Variants in RSPH10B2 observed in about 807,000 individuals in gnomAD.
The protein encoded by RSPH10B2 is radial spoke head 10 homolog B2.
RSPH10B2 carries 9 observed loss-of-function variants against 49.0 expected under a neutral mutation model. The observed-to-expected ratio is 0.18, with a 90% CI of 0.11 to 0.32. The LOEUF (loss-of-function observed/expected upper bound fraction) is 0.32. RSPH10B2 is among the 10% of genes least tolerant of loss of function. The pLI is 1.00. For missense variants in RSPH10B2, 95 were observed against 589.9 expected, an observed-to-expected ratio of 0.16 and a Z score of 8.69; for synonymous variants, 35 against 210.2, an observed-to-expected ratio of 0.17 and a Z score of 7.21.
chr7:6,795,634 G>A lies in RSPH10B2; in HGVS notation c.2234-934G>A, dbSNP rs1489176423. Among the ~76,000 whole-genome samples the A allele has an allele frequency of 5.1e-5, 7 of 137,566 alleles. No homozygotes were observed. The East Asian group carries it at 8.2e-4, about 16-fold the overall frequency. The allele number at this position is 137,566 out of a possible 152,430, so 90.2% of individuals were successfully genotyped here. Reference sequence around the variant, plus strand: ...TAATTAGCTGGGTGTGGTGGCACCCGCCTGTGGTCCCAGCTACTTGGGAGG... The same window carrying A: ...TAATTAGCTGGGTGTGGTGGCACCCACCTGTGGTCCCAGCTACTTGGGAGG... On this transcript the variant is annotated intron_variant, in intron 17 of 18. Transcript: ENST00000297186.
At chr7:6,797,864 A>C (rs4724844) in intron 18 of RSPH10B2, among the ~76,000 whole-genome samples, 1 of 71,350 alleles carries the variant, frequency 1.4e-5, no homozygotes, top group Non-Finnish European at 2.5e-5. Context: ...AAAAAAAAAA[A>C]ATACACACAC....
chr7:6,793,828 T>G, intron 17 of RSPH10B2, among the ~76,000 whole-genome samples: 1 of 146,594 alleles, frequency 6.8e-6, no homozygotes, highest in Admixed American at 7.1e-5. Flanking sequence ...TGGGTGACAG[T>G]GAGACTCCAT....
At chr7:6,795,721 A>G (rs1782525030) in intron 17 of RSPH10B2, among the ~76,000 whole-genome samples, 1 of 146,364 alleles carries the variant, frequency 6.8e-6, no homozygotes, top group Non-Finnish European at 1.5e-5. Context: ...TGATGGTACC[A>G]CTGCACTCCA....
At position 6,766,428 on chromosome 7, in the gene RSPH10B2, A is replaced by AT. The variant is rs1291055706; in HGVS notation, c.660-318dup. Among the ~76,000 whole-genome samples the AT allele has an allele frequency of 1.0e-3, 59 of 57,380 alleles. 9 individuals carry two copies. Among genetic ancestry groups the AT allele is most frequent in the Non-Finnish European group, 1.3e-3 (44 of 33,160 alleles). The allele number at this position is 57,380 out of a possible 152,430, so 37.6% of individuals were successfully genotyped here. On this transcript the variant is annotated intron_variant, in intron 5 of 18. Transcript: ENST00000297186. ...GCCACCATGTCCGGCTAATTTTTGC[A>AT]TTTTTTTTTTTCTTTTGAGATGGAG...
At chr7:6,763,555 G>C (rs1315122431) in intron 3 of RSPH10B2, among the ~76,000 whole-genome samples, 1 of 125,542 alleles carries the variant, frequency 8.0e-6, no homozygotes, top group Non-Finnish European at 1.7e-5. Context: ...CCAAAGTGCT[G>C]TGATTACAAG....
At chr7:6,786,564 A>C (rs1583527604) in intron 14 of RSPH10B2, among the ~76,000 whole-genome samples, 2 of 96,006 alleles carry the variant, frequency 2.1e-5, no homozygotes, top group Middle Eastern at 6.0e-3. Flanking sequence ...CTGATCTCAA[A>C]CTCCTGGGCT....
At chr7:6,780,154 T>G (rs925025307) in intron 11 of RSPH10B2, among the ~76,000 whole-genome samples, 3 of 108,684 alleles carry the variant, frequency 2.8e-5, no homozygotes, top group African/African-American at 1.0e-4. Context: ...ACTCTTGAAA[T>G]GAAGGACTCA....
At chr7:6,770,812 G>A (rs1306725500) in intron 7 of RSPH10B2, among the ~76,000 whole-genome samples, 1 of 152,070 alleles carries the variant, frequency 6.6e-6, no homozygotes, top group East Asian at 1.9e-4. Flanking sequence ...GGCTGAGGCA[G>A]GAGAATGGTG....
At position 6,780,377 on chromosome 7, in the gene RSPH10B2, C is replaced by T; in HGVS notation, c.1530-432C>T. ...GGTTTTATATCTTTTTTTAAAAAAA[C>T]TTTTATTTACATATTTATTTTTTTG... On this transcript the variant is annotated intron_variant, in intron 11 of 18. Transcript: ENST00000297186. Among the ~76,000 whole-genome samples the T allele has an allele frequency of 2.5e-5, 3 of 122,290 alleles. 1 individual carries two copies. The highest frequency in any genetic ancestry group is 1.7e-5 in the Non-Finnish European group (1 of 57,872). The allele number at this position is 122,290 out of a possible 152,430, so 80.2% of individuals were successfully genotyped here. A position where few individuals can be genotyped will look rare whatever the true frequency, so the allele number is the denominator to read the frequency against.
intron 7 of RSPH10B2, among the ~76,000 whole-genome samples, chr7:6,769,754 CTTTTT>C (rs911131827): frequency 1.3e-5 from 1 of 76,678 alleles, no homozygotes; most frequent in Admixed American, 1.7e-4. Context: ...ACGCCCGGCT[CTTTTT>C]TTTTTTTTTT....
At chr7:6,763,681 T>C (rs1333137723) in intron 3 of RSPH10B2, among the ~76,000 whole-genome samples, 1 of 145,904 alleles carries the variant, frequency 6.9e-6, no homozygotes, top group Non-Finnish European at 1.5e-5. Flanking sequence ...TTGGTCAACC[T>C]GCAACCTCCC....
At chr7:6,764,324 T>G (rs551481880) in intron 4 of RSPH10B2, among the ~76,000 whole-genome samples, 12 of 149,234 alleles carry the variant, frequency 8.0e-5, no homozygotes, top group African/African-American at 3.0e-4. Flanking sequence ...TTTTTGTTTA[T>G]TGAGGCGAAA....
At chr7:6,791,475 G>C (rs1204384691) in intron 16 of RSPH10B2, among the ~76,000 whole-genome samples, 117 of 146,576 alleles carry the variant, frequency 8.0e-4, no homozygotes, top group African/African-American at 2.9e-3. Context: ...TGGGTGTGGT[G>C]GCTCACACCT....
chr7:6,772,291 A>AT (rs1411435610), intron 8 of RSPH10B2, among the ~76,000 whole-genome samples: 2 of 16,096 alleles, frequency 1.2e-4, no homozygotes, highest in African/African-American at 2.0e-4. Flanking sequence ...AGCCTAGCTA[A>AT]TTTTTTTTTT....
At chr7:6,785,685 CGTG>C (rs1468351967) in intron 13 of RSPH10B2, among the ~76,000 whole-genome samples, 1 of 151,514 alleles carries the variant, frequency 6.6e-6, no homozygotes. Context: ...ATTAGCTGGA[CGTG>C]GTGGTGTGTT....
chr7:6,795,840 G>A (rs1782531867), intron 17 of RSPH10B2, among the ~76,000 whole-genome samples: 1 of 148,448 alleles, frequency 6.7e-6, no homozygotes. Context: ...GAGATGGGAG[G>A]ATCACTTGAG....
At chr7:6,783,838 AATTATT>A (rs1251922696) in intron 13 of RSPH10B2, among the ~76,000 whole-genome samples, 8 of 131,522 alleles carry the variant, frequency 6.1e-5, no homozygotes, top group South Asian at 5.0e-4. Flanking sequence ...TAATAATAAT[AATTATT>A]ATTATTATTA....
chr7:6,764,889 T>A (rs1468462316), intron 4 of RSPH10B2, among the ~76,000 whole-genome samples: 1 of 109,130 alleles, frequency 9.2e-6, no homozygotes. Flanking sequence ...GATAAACCTG[T>A]GAAAAAGCCT....
chr7:6,756,085 G>A (rs966721303), upstream of RSPH10B2, among the ~76,000 whole-genome samples: 27 of 150,578 alleles, frequency 1.8e-4, no homozygotes, highest in East Asian at 5.8e-4. Context: ...TGGCTAACCC[G>A]GTGAAACCCC....
Sources: allele counts gnomAD v4.1 joint callset (sites outside exome capture counted in the v4.1 genomes callset), GRCh38; gene constraint gnomAD v4.1.1; transcripts MANE v1.5; gene names NCBI Gene and HGNC (gene_info 2026-07-23, HGNC 2026-07-21).